Variants in NALF2 observed in about 807,000 individuals in gnomAD.
NALF2 encodes the protein NALCN channel auxiliary factor 2.
A neutral mutation model predicts 24.8 loss-of-function variants in NALF2; 1 was observed. That is an observed-to-expected ratio of 0.04 (90% CI 0.01 to 0.19). The LOEUF (loss-of-function observed/expected upper bound fraction) is 0.19. Among genes scored for constraint, NALF2 ranks in the 10% least tolerant of loss-of-function variants. The probability of loss-of-function intolerance (pLI) is 1.00; values close to 1 mark genes in which losing one functional copy is unlikely to be tolerated. For missense variants in NALF2, 458 were observed against 409.6 expected, an observed-to-expected ratio of 1.12 and a Z score of -1.02; for synonymous variants, 254 against 189.8, an observed-to-expected ratio of 1.34 and a Z score of -2.78.
At chrX:69,526,937 G>C (rs1930816891) in intron 1 of NALF2, among the ~76,000 whole-genome samples, 1 of 112,294 alleles carries the variant, frequency 8.9e-6, no homozygotes. Flanking sequence ...TGCATCAAAG[G>C]GTTTGGAGCA....
At chrX:69,512,132 C>T (rs1319195513) in intron 1 of NALF2, among the ~76,000 whole-genome samples, 1 of 111,747 alleles carries the variant, frequency 8.9e-6, no homozygotes, top group East Asian at 2.8e-4. Flanking sequence ...GCCCCTGCTT[C>T]TGGGGATCTG....
In NALF2 at chrX:69,520,879, G is replaced by A. The variant is rs928564729; in HGVS notation, c.862-8114G>A. Among the ~76,000 whole-genome samples, 7 of 110,866 alleles carry A rather than the reference G, an allele frequency of 6.3e-5. 1 individual carries two copies. Among genetic ancestry groups the A allele is most frequent in the Admixed American group, 3.8e-4 (4 of 10,444 alleles). ...CAATTCTGCCACTGTTGCCTTAGTC[G>A]GGGCCCTCACAACCTCTCACTCAGA... On this transcript the variant is annotated intron_variant, in intron 1 of 2. Coordinates refer to ENST00000252338, the MANE Select transcript of NALF2 (RefSeq NM_015686.3).
At chrX:69,522,381 T>A (rs745383689) in intron 1 of NALF2, among the ~76,000 whole-genome samples, 1 of 112,021 alleles carries the variant, frequency 8.9e-6, no homozygotes, top group Admixed American at 9.4e-5. Flanking sequence ...CTGTCCAGGC[T>A]GGGCCCATCC....
intron 1 of NALF2, among the ~76,000 whole-genome samples, 174 bp from the exon 2 acceptor site, chrX:69,528,819 T>C (rs1485958297): frequency 9.0e-6 from 1 of 111,686 alleles, no homozygotes; most frequent in African/African-American, 3.3e-5. Context: ...AAATCGGAGA[T>C]CTTAGGTAAG....
chrX:69,530,104 C>G lies in NALF2; in HGVS notation c.*148C>G. On this transcript the variant is annotated 3_prime_UTR_variant, in exon 3 of 3. Coordinates refer to ENST00000252338, the MANE Select transcript of NALF2 (RefSeq NM_015686.3). ...ATGACACATCCCCCCCAACCTACCCCCACCCCAAAAGCAGCTCCAACAGAA... is the reference window on the plus strand; with the variant it reads ...ATGACACATCCCCCCCAACCTACCCGCACCCCAAAAGCAGCTCCAACAGAA... The G allele has an allele frequency of 2.2e-6, 1 of 461,304 alleles. No homozygotes were observed. The highest frequency in any genetic ancestry group is 3.6e-6 in the Non-Finnish European group (1 of 278,215). 38.0% of individuals were successfully genotyped at this position (461,304 alleles called of 1,213,427 possible).
chrX:69,515,111 A>G (rs1327780784), intron 1 of NALF2, among the ~76,000 whole-genome samples: 1 of 111,830 alleles, frequency 8.9e-6, no homozygotes, highest in African/African-American at 3.3e-5. Flanking sequence ...ATTTTTTCTT[A>G]TTTATCTACT....
rs769618002 is a variant in NALF2 at position 69,506,772 on chromosome X, G to A, written c.861+629G>A. Among the ~76,000 whole-genome samples, 4 of 112,758 alleles carry A rather than the reference G, an allele frequency of 3.5e-5. No homozygotes were observed. The South Asian group carries it at 1.5e-3, about 41-fold the overall frequency. On this transcript the variant is annotated intron_variant, in intron 1 of 2. Coordinates refer to ENST00000252338, the MANE Select transcript of NALF2 (RefSeq NM_015686.3). ...AGGCTCTTCTCCCCTGACAAAGGAA[G>A]GAGCTGGGAACAGGGAACAGCGACT...
In NALF2 at chrX:69,529,748, A is replaced by G; in HGVS notation, c.1211A>G (p.His404Arg). 2 of 1,210,510 alleles carry G rather than the reference A, an allele frequency of 1.7e-6. No individual in the cohort carries two copies. Among genetic ancestry groups the G allele is most frequent in the Non-Finnish European group, 2.2e-6 (2 of 894,837 alleles). ...CAACAGTACCATCACTACCACCCCCATCATGATCCCCCAGGCCGTGTCAGC... is the reference window on the plus strand; with the variant it reads ...CAACAGTACCATCACTACCACCCCCGTCATGATCCCCCAGGCCGTGTCAGC... ...YHQQYHHYHPHHDPPGRVSNK... is the reference protein window; with the variant it reads ...YHQQYHHYHPRHDPPGRVSNK... The change falls in exon 3 of 3, where the codon CAT becomes CGT. Residue 404 changes from histidine to arginine, a missense_variant. Physicochemically the swap from His to Arg is conservative, Grantham distance 29. Coordinates refer to ENST00000252338, the MANE Select transcript of NALF2 (RefSeq NM_015686.3).
Position 69,505,880 on chromosome X carries a change from G to T in NALF2, c.598G>T (p.Asp200Tyr). 8.3e-7 allele frequency: 1 copy of T among 1,210,978 alleles called. No homozygotes were observed. Among genetic ancestry groups the T allele is most frequent in the Non-Finnish European group, 1.1e-6 (1 of 895,322 alleles). ...HFRNFTLSFC[D>Y]TYTVWDLLLG... is the part of the protein sequence containing the mutation. Reference sequence around the variant, plus strand: ...TCGGAACTTCACTCTCTCCTTTTGCGACACCTACACGGTCTGGGACTTGCT... The same window carrying T: ...TCGGAACTTCACTCTCTCCTTTTGCTACACCTACACGGTCTGGGACTTGCT... Residue 200 changes from aspartate to tyrosine, a missense_variant, in exon 1 of 3, where the codon GAC (aspartate) becomes TAC (tyrosine). Physicochemically the swap from Asp to Tyr is radical, Grantham distance 160. Transcript: ENST00000252338.
chrX:69,517,110 C>T (rs985563832), intron 1 of NALF2, among the ~76,000 whole-genome samples: 1 of 111,192 alleles, frequency 9.0e-6, no homozygotes, highest in Non-Finnish European at 1.9e-5. Flanking sequence ...GTTTAGACAC[C>T]GAAGTCCAGA....
intron 1 of NALF2, among the ~76,000 whole-genome samples, chrX:69,510,700 C>T (rs1349834027): frequency 1.8e-5 from 2 of 111,812 alleles, no homozygotes; most frequent in Non-Finnish European, 3.8e-5. Flanking sequence ...TGGGGAGGGG[C>T]CTCCAGATCC....
At position 69,529,794 on chromosome X, in the gene NALF2, G is replaced by C. The variant is rs201574515; in HGVS notation, c.1257G>C (p.Pro419=). The C allele has an allele frequency of 1.7e-6, 2 of 1,209,709 alleles. No homozygotes were observed. The highest frequency in any genetic ancestry group is 3.0e-5 in the East Asian group (1 of 33,728). ...TCAGCAACAAGCCCGCCCTGCTGCC[G>C]GTCTCTGGGGGCTCCCGCCTCAGCC... The part of the protein sequence containing the change: ...GRVSNKPALL[P]VSGGSRLSPS... Residue 419 remains proline, a synonymous_variant, in exon 3 of 3, where the codon CCG becomes CCC. Coordinates refer to ENST00000252338, the MANE Select transcript of NALF2 (RefSeq NM_015686.3).
chrX:69,508,754 G>A (rs1032945238), intron 1 of NALF2, among the ~76,000 whole-genome samples: 4 of 111,797 alleles, frequency 3.6e-5, no homozygotes, highest in African/African-American at 6.5e-5. Flanking sequence ...CCCAAACCCC[G>A]TTCCTGGGCT....
chrX:69,524,040 A>T (rs1428312333), intron 1 of NALF2, among the ~76,000 whole-genome samples: 1 of 110,701 alleles, frequency 9.0e-6, no homozygotes, highest in African/African-American at 3.3e-5. Flanking sequence ...GGCTCCACCC[A>T]CAAGGATTCT....
In NALF2 at chrX:69,529,110, C is replaced by T. The variant is rs1462601132; in HGVS notation, c.979C>T (p.Leu327Phe). The T allele has an allele frequency of 8.3e-7, 1 of 1,209,204 alleles. No individual in the cohort carries two copies. Among genetic ancestry groups the T allele is most frequent in the Non-Finnish European group, 1.1e-6 (1 of 894,829 alleles). The change falls in exon 2 of 3, where the codon CTC becomes TTC. Residue 327 changes from leucine (L) to phenylalanine (F), a missense_variant. Coordinates refer to ENST00000252338, the MANE Select transcript of NALF2 (RefSeq NM_015686.3). The stretch of plus-strand genomic sequence containing the variant: ...GGTGCAGACCCGGTGCCCCTTTATA[C>T]TCCCCGACAATGAGGAAATGGTGTA... ...LEVQTRCPFILPDNEEMVYGG... is the reference protein window; with the variant it reads ...LEVQTRCPFIFPDNEEMVYGG...
At position 69,529,704 on chromosome X, in the gene NALF2, C is replaced by A; in HGVS notation, c.1167C>A (p.Ser389=). The stretch of plus-strand genomic sequence containing the variant: ...CCCACCAGCAGCAATTCCACCACTC[C>A]TATTTCCACCACTACCACCAACAGT... ...PKTHQQQFHH[S]YFHHYHQQYH... Residue 389 remains serine (S), a synonymous_variant, in exon 3 of 3, where the codon TCC becomes TCA. Transcript: ENST00000252338. The A allele has an allele frequency of 8.3e-7, 1 of 1,207,859 alleles. No individual in the cohort carries two copies. Among genetic ancestry groups the A allele is most frequent in the Non-Finnish European group, 1.1e-6 (1 of 892,690 alleles).
rs1930409494 is a variant in NALF2 at position 69,504,371 on chromosome X, C to T, written c.-912C>T. On this transcript the variant is annotated 5_prime_UTR_variant, in exon 1 of 3. Coordinates refer to ENST00000252338, the MANE Select transcript of NALF2 (RefSeq NM_015686.3). ...TCTCCGTGCCTCTTTCTCCGCCCTGCTCCCCGCCAAACACACTTGCACAGG... is the reference window on the plus strand; with the variant it reads ...TCTCCGTGCCTCTTTCTCCGCCCTGTTCCCCGCCAAACACACTTGCACAGG... Among the ~76,000 whole-genome samples, 1 of 113,060 alleles carries T rather than the reference C, an allele frequency of 8.8e-6. No homozygotes were observed. Among genetic ancestry groups the T allele is most frequent in the African/African-American group, 3.2e-5 (1 of 31,204 alleles).
intron 2 of NALF2, 124 bp downstream of exon 2, chrX:69,529,288 G>C: frequency 2.4e-6 from 2 of 838,245 alleles, no homozygotes; most frequent in South Asian, 5.5e-5. Flanking sequence ...GTGGCTGGAC[G>C]AATGGGCAGT....
chrX:69,505,851 A>G lies in NALF2; in HGVS notation c.569A>G (p.His190Arg), dbSNP rs1602189700. 1 of 1,207,481 alleles carries G rather than the reference A, an allele frequency of 8.3e-7. No homozygotes were observed. Among genetic ancestry groups the G allele is most frequent in the Non-Finnish European group, 1.1e-6 (1 of 894,483 alleles). Residue 190 changes from histidine to arginine, a missense_variant, in exon 1 of 3, where the codon CAC (histidine) becomes CGC (arginine). Transcript: ENST00000252338. ...PSAKKNLLKG[H>R]FRNFTLSFCD... Reference sequence around the variant, plus strand: ...GCCAAAAAAAACTTGCTCAAAGGCCACTTTCGGAACTTCACTCTCTCCTTT... The same window carrying G: ...GCCAAAAAAAACTTGCTCAAAGGCCGCTTTCGGAACTTCACTCTCTCCTTT...
Sources: gnomAD v4.1 joint callset for allele counts (sites outside exome capture counted in the v4.1 genomes callset) on GRCh38, gnomAD v4.1.1 for gene constraint, MANE v1.5 for transcripts, NCBI Gene and HGNC (gene_info 2026-07-23, HGNC 2026-07-21) for gene names.